ZNF536: variants seen among roughly 807,000 people sequenced by gnomAD.
ZNF536 encodes the protein zinc finger protein 536.
Under a neutral mutation model 84.5 loss-of-function variants are expected in ZNF536, and 13 were observed. The ratio of observed to expected loss-of-function variants is 0.15; its 90% CI spans 0.10 to 0.24. The LOEUF (loss-of-function observed/expected upper bound fraction) is 0.24. ZNF536 is among the 10% of genes least tolerant of loss of function. ZNF536 has a pLI of 1.00. For missense variants in ZNF536, 1,536 were observed against 1,747.5 expected, an observed-to-expected ratio of 0.88 and a Z score of 2.16; for synonymous variants, 811 against 742.5, an observed-to-expected ratio of 1.09 and a Z score of -1.50.
chr19:30,649,114 G>A (rs1240330424), intron 1 of ZNF536, among the ~76,000 whole-genome samples: 1 of 152,304 alleles, frequency 6.6e-6, no homozygotes, highest in East Asian at 1.9e-4. Context: ...AGCTGCCCCA[G>A]ACAGGGAGGA....
At chr19:30,458,893 AGAGGC>A (rs1312318784) in intron 2 of ZNF536, among the ~76,000 whole-genome samples, 2 of 152,156 alleles carry the variant, frequency 1.3e-5, no homozygotes, top group Non-Finnish European at 2.9e-5. Flanking sequence ...TGGATGCCAT[AGAGGC>A]AGAGCCTTGC....
chr19:30,348,312 T>C (rs146413913), intron 2 of ZNF536, among the ~76,000 whole-genome samples: 1 of 152,328 alleles, frequency 6.6e-6, no homozygotes, highest in East Asian at 1.9e-4. Flanking sequence ...GCATCTTTCA[T>C]ATGATTGGAT....
At chr19:30,631,387 G>A (rs1437711430) in intron 1 of ZNF536, among the ~76,000 whole-genome samples, 1 of 152,196 alleles carries the variant, frequency 6.6e-6, no homozygotes, top group Non-Finnish European at 1.5e-5. Flanking sequence ...CCTGCAGGCC[G>A]AGAGGCTGGC....
chr19:30,341,619 A>G (rs998839598), intron 2 of ZNF536, among the ~76,000 whole-genome samples: 11 of 152,138 alleles, frequency 7.2e-5, no homozygotes, highest in Admixed American at 6.5e-5. Context: ...AACCCAGGGC[A>G]GCCCCCCTCA....
chr19:30,481,455 C>T (rs900410310), intron 2 of ZNF536, among the ~76,000 whole-genome samples: 1 of 152,256 alleles, frequency 6.6e-6, no homozygotes, highest in East Asian at 1.9e-4. Flanking sequence ...ATTTGCTTGA[C>T]CAGCCTCTCG....
At position 30,373,925 on chromosome 19, in the gene ZNF536, C is replaced by T. The variant is rs146257341; in HGVS notation, c.-3+1369C>T. On this transcript the variant is annotated intron_variant, in intron 1 of 4. Transcript: ENST00000355537. ...GGTGCACGCGGCCCGGCCCCAGCCCCAGGGCCGCAGCCCACCCGCCGCCCG... is the reference window on the plus strand; with the variant it reads ...GGTGCACGCGGCCCGGCCCCAGCCCTAGGGCCGCAGCCCACCCGCCGCCCG... 6.8e-3 allele frequency among the ~76,000 whole-genome samples: 1,037 copies of T among 152,334 alleles called. 16 individuals carry two copies. The highest frequency in any genetic ancestry group is 0.024 in the African/African-American group (990 of 41,582).
intron 2 of ZNF536, among the ~76,000 whole-genome samples, chr19:30,531,018 C>T (rs975732968): frequency 1.8e-4 from 28 of 152,190 alleles, no homozygotes; most frequent in African/African-American, 6.5e-4. Flanking sequence ...GGCTTTCAGC[C>T]TCTCTGGACA....
At chr19:30,659,234 A>T (rs192652617) in intron 1 of ZNF536, among the ~76,000 whole-genome samples, 2 of 152,192 alleles carry the variant, frequency 1.3e-5, no homozygotes, top group East Asian at 3.9e-4. Flanking sequence ...GGCCTCAAGA[A>T]ACTTAGTCAT....
chr19:30,565,538 A>T lies in ZNF536; in HGVS notation c.169+16024A>T, dbSNP rs2046319903. Among the ~76,000 whole-genome samples, 3 of 152,210 alleles carry T rather than the reference A, an allele frequency of 2.0e-5. No individual in the cohort carries two copies. In the South Asian group the frequency reaches 6.2e-4, roughly 31 times the overall value. On this transcript the variant is annotated intron_variant, in intron 1 of 1. Coordinates refer to the ZNF536 transcript ENST00000592773. ...TGAATGAGGAAACTGAGGCCAAGAG[A>T]TGCTAGATGGCTTGCCCACAGTCTT...
chr19:30,682,790 G>T (rs1311594281), intron 1 of ZNF536, among the ~76,000 whole-genome samples: 1 of 152,116 alleles, frequency 6.6e-6, no homozygotes, highest in Non-Finnish European at 1.5e-5. Flanking sequence ...TGGCCCCGGA[G>T]GTGCCCTCTC....
intron 3 of ZNF536, among the ~76,000 whole-genome samples, chr19:30,363,737 G>A (rs886370746): frequency 2.6e-5 from 4 of 152,170 alleles, no homozygotes; most frequent in African/African-American, 9.7e-5. Context: ...TCTGTGCTCA[G>A]CACTGTGCAA....
chr19:30,686,787 C>T (rs550694496), intron 1 of ZNF536, among the ~76,000 whole-genome samples: 4 of 152,108 alleles, frequency 2.6e-5, no homozygotes, highest in Admixed American at 2.0e-4. Flanking sequence ...GCCCTCCCCC[C>T]ACTCCCCCCA....
intron 2 of ZNF536, among the ~76,000 whole-genome samples, chr19:30,349,939 G>T (rs1179810106): frequency 6.6e-6 from 1 of 152,016 alleles, no homozygotes; most frequent in African/African-American, 2.4e-5. Flanking sequence ...AACTGAGGTT[G>T]TTAATGTGGG....
intron 2 of ZNF536, among the ~76,000 whole-genome samples, chr19:30,534,494 A>C (rs1298881653): frequency 6.6e-6 from 1 of 152,224 alleles, no homozygotes; most frequent in Admixed American, 6.5e-5. Context: ...CCATATTATA[A>C]ATTAATCAGA....
chr19:30,284,296 T>C lies in ZNF536; in HGVS notation c.-120+155T>C, dbSNP rs961524621. On this transcript the variant is annotated intron_variant, in intron 2 of 5. Coordinates refer to the ZNF536 transcript ENST00000585628. ...TGGGAGGTAGCATGGGTTCCATATC[T>C]TGTGGGCGGGGTGAACTACAATGTG... Among the ~76,000 whole-genome samples, 7 of 152,214 alleles carry C rather than the reference T, an allele frequency of 4.6e-5. 1 individual carries two copies. The South Asian group carries it at 1.4e-3, about 32-fold the overall frequency.
intron 2 of ZNF536, among the ~76,000 whole-genome samples, chr19:30,533,583 G>A (rs145334213): frequency 2.0e-3 from 302 of 152,196 alleles, no homozygotes; most frequent in African/African-American, 7.0e-3. Flanking sequence ...CAAGTCTGCC[G>A]CTTTTGGCTG....
chr19:30,695,242 G>A (rs2051607252), intron 1 of ZNF536, among the ~76,000 whole-genome samples: 2 of 152,104 alleles, frequency 1.3e-5, no homozygotes, highest in African/African-American at 4.8e-5. Context: ...GAGGAAGGAA[G>A]CCAAGTGCCA....
intron 1 of ZNF536, among the ~76,000 whole-genome samples, chr19:30,614,534 G>A (rs1209493600): frequency 6.6e-6 from 1 of 151,988 alleles, no homozygotes. Flanking sequence ...CCCAAAGATG[G>A]AAACCTTTGC....
At chr19:30,676,032 A>AT (rs1209120136) in intron 1 of ZNF536, among the ~76,000 whole-genome samples, 8 of 149,768 alleles carry the variant, frequency 5.3e-5, no homozygotes, top group African/African-American at 1.0e-4. Context: ...TAATTTTTTA[A>AT]TTTTTTTTAA....
Sources: gnomAD v4.1 joint callset for allele counts (sites outside exome capture counted in the v4.1 genomes callset) on GRCh38, gnomAD v4.1.1 for gene constraint, MANE v1.5 for transcripts, NCBI Gene and HGNC (gene_info 2026-07-23, HGNC 2026-07-21) for gene names.